Variants in MYO10 observed in about 807,000 individuals in gnomAD.
MYO10 encodes the protein unconventional myosin-X.
MYO10 carries 133 observed loss-of-function variants against 257.3 expected under a neutral mutation model. The observed-to-expected ratio is 0.52, with a 90% CI of 0.45 to 0.60. The LOEUF (loss-of-function observed/expected upper bound fraction) is 0.60. Among genes scored for constraint, MYO10 ranks in the 20% least tolerant of loss-of-function variants. The pLI, the probability that MYO10 is intolerant of heterozygous loss-of-function variation, is 0.00. For synonymous variants in MYO10, 1,104 were observed against 1,028.6 expected (o/e 1.07, Z -1.40); for missense variants, 2,399 against 2,635.7 (o/e 0.91, Z 1.97).
chr5:16,757,787 C>A (rs1038664250), intron 18 of MYO10, among the ~76,000 whole-genome samples: 5 of 152,182 alleles, frequency 3.3e-5, no homozygotes, highest in Non-Finnish European at 7.3e-5. Flanking sequence ...ACCTCAGCCT[C>A]CTGAGTAGCT....
chr5:16,785,130 C>A lies in MYO10; in HGVS notation c.468-1661G>T, dbSNP rs952643108. ...AAATCAGAGGCAAGCCCAGCCGGGGCGGGGGCTGAATCCACATCCCTGAAA... is the reference window on the plus strand; with the variant it reads ...AAATCAGAGGCAAGCCCAGCCGGGGAGGGGGCTGAATCCACATCCCTGAAA... On this transcript the variant is annotated intron_variant, in intron 4 of 40. Coordinates refer to ENST00000513610, the MANE Select transcript of MYO10 (RefSeq NM_012334.3). Among the ~76,000 whole-genome samples the A allele has an allele frequency of 3.3e-5, 5 of 152,284 alleles. No homozygotes were observed. In the South Asian group the frequency reaches 1.0e-3, roughly 32 times the overall value.
At chr5:16,859,391 T>C (rs1301434646) in intron 2 of MYO10, among the ~76,000 whole-genome samples, 1 of 152,098 alleles carries the variant, frequency 6.6e-6, no homozygotes, top group Admixed American at 6.5e-5. Context: ...CCCACCCTCA[T>C]GACCTAATCA....
At chr5:16,796,483 G>GAAAGAAAGAAAGAAAGAAAGAAAGAAAGA (rs1553997268) in intron 3 of MYO10, among the ~76,000 whole-genome samples, 1 of 136,862 alleles carries the variant, frequency 7.3e-6, no homozygotes, top group Admixed American at 7.4e-5. Flanking sequence ...GAAAAGAAAA[G>GAAAGAAAGAAAGAAAGAAAGAAAGAAAGA]AAAGAAAGAA....
intron 19 of MYO10, among the ~76,000 whole-genome samples, chr5:16,732,427 T>C (rs1383088907): frequency 6.6e-6 from 1 of 152,238 alleles, no homozygotes; most frequent in Non-Finnish European, 1.5e-5. Flanking sequence ...AACCTTTTTA[T>C]CTGGCTAAAC....
chr5:16,698,796 T>C lies in MYO10; in HGVS notation c.3556+654A>G, dbSNP rs557211018. On this transcript the variant is annotated intron_variant, in intron 26 of 40. Coordinates refer to ENST00000513610, the MANE Select transcript of MYO10 (RefSeq NM_012334.3). Reference sequence around the variant, plus strand: ...CCGCCACCGCTCCCGGCTAATTTTTTGTATTTTTAGTAGAGACGGCGTTTC... The same window carrying C: ...CCGCCACCGCTCCCGGCTAATTTTTCGTATTTTTAGTAGAGACGGCGTTTC... Among the ~76,000 whole-genome samples, 7 of 150,330 alleles carry C rather than the reference T, an allele frequency of 4.7e-5. No homozygotes were observed. In the South Asian group the frequency reaches 1.3e-3, roughly 27 times the overall value.
At chr5:16,727,978 G>A (rs1739438704) in intron 19 of MYO10, among the ~76,000 whole-genome samples, 1 of 151,994 alleles carries the variant, frequency 6.6e-6, no homozygotes, top group South Asian at 2.1e-4. Flanking sequence ...TATGTCCATG[G>A]GACATTCACT....
At chr5:16,781,571 T>A (rs1241949095) in intron 6 of MYO10, 134 bp downstream of exon 6, 3 of 940,112 alleles carry the variant, frequency 3.2e-6, no homozygotes, top group African/African-American at 1.7e-5. Context: ...ATTAGAGCAA[T>A]AACTAACTGT....
chr5:16,919,040 T>C (rs1171462741), intron 1 of MYO10, among the ~76,000 whole-genome samples: 1 of 152,124 alleles, frequency 6.6e-6, no homozygotes, highest in Non-Finnish European at 1.5e-5. Flanking sequence ...AAATATGCAT[T>C]CCTGAAGATT....
At chr5:16,763,570 C>G (rs1248802689) in intron 13 of MYO10, 23 bp from the exon 14 acceptor site, 1 of 1,598,910 alleles carries the variant, frequency 6.3e-7, no homozygotes, top group Non-Finnish European at 8.6e-7. Context: ...TTTAAACAGC[C>G]AAGTTAAATG....
At chr5:16,809,194 G>GA (rs1450430813) in intron 3 of MYO10, among the ~76,000 whole-genome samples, 56 of 150,244 alleles carry the variant, frequency 3.7e-4, no homozygotes, top group Admixed American at 3.7e-3. Context: ...AAAAAACCCA[G>GA]AAAGTCCTGA....
At chr5:16,711,339 C>G in intron 19 of MYO10, 94 bp from the exon 20 acceptor site, 4 of 1,346,594 alleles carry the variant, frequency 3.0e-6, no homozygotes, top group Non-Finnish European at 3.1e-6. Context: ...ATTGGTTTAC[C>G]CCGCTTCAAA....
At chr5:16,847,724 T>C (rs1054180017) in intron 2 of MYO10, among the ~76,000 whole-genome samples, 1 of 151,910 alleles carries the variant, frequency 6.6e-6, no homozygotes, top group South Asian at 2.1e-4. Context: ...AGTGAGACCC[T>C]GTCTCAAAAA....
intron 19 of MYO10, among the ~76,000 whole-genome samples, chr5:16,721,057 T>C (rs1159982887): frequency 6.6e-6 from 1 of 152,198 alleles, no homozygotes; most frequent in Non-Finnish European, 1.5e-5. Flanking sequence ...CCCATTTAAC[T>C]TTAAAAATAA....
intron 19 of MYO10, among the ~76,000 whole-genome samples, chr5:16,727,325 A>T (rs1435769581): frequency 6.6e-6 from 1 of 152,214 alleles, no homozygotes; most frequent in Non-Finnish European, 1.5e-5. Context: ...TGGAGAGTAA[A>T]ACAACAAGGC....
chr5:16,748,446 C>T (rs976522302), intron 19 of MYO10, among the ~76,000 whole-genome samples: 8 of 151,888 alleles, frequency 5.3e-5, no homozygotes, highest in Non-Finnish European at 7.4e-5. Flanking sequence ...GGTTTCACCA[C>T]GTTGGCCAGG....
At chr5:16,704,077 A>G (rs1241115711) in intron 22 of MYO10, among the ~76,000 whole-genome samples, 5 of 152,016 alleles carry the variant, frequency 3.3e-5, no homozygotes, top group Admixed American at 3.3e-4. Flanking sequence ...CTGTAATCCC[A>G]GCACTTTGTC....
intron 17 of MYO10, 101 bp from the exon 18 acceptor site, chr5:16,758,327 G>T: frequency 1.2e-6 from 1 of 831,116 alleles, no homozygotes. Context: ...ATAATTCAAA[G>T]TAATACACCC....
intron 1 of MYO10, among the ~76,000 whole-genome samples, chr5:16,933,412 C>T (rs31462): frequency 0.4 from 60,119 of 152,102 alleles, 12,155 homozygotes; most frequent in Middle Eastern, 0.5. Context: ...ATTATTTGGC[C>T]ATTCATACAC....
In MYO10 at chr5:16,763,688, T is replaced by A. The variant is rs1393070998; in HGVS notation, c.1394A>T (p.His465Leu). ...TTCTAGTTGTTCTAAAGAAAAAATA[T>A]GCTTGTTGAAGTACTCCTGAAGTTT... The part of the protein sequence containing the change: ...NEKLQEYFNK[H>L]IFSLEQLEYS... The change falls in exon 13 of 41, where the codon CAT becomes CTT. Residue 465 changes from histidine to leucine, a missense_variant. His to Leu is a moderately conservative substitution (Grantham distance 99). Transcript: ENST00000513610. 1.2e-6 allele frequency: 2 copies of A among 1,610,872 alleles called. No homozygotes were observed. The highest frequency in any genetic ancestry group is 1.7e-6 in the Non-Finnish European group (2 of 1,177,246).
Sources: gnomAD v4.1 joint callset for allele counts (sites outside exome capture counted in the v4.1 genomes callset) on GRCh38, gnomAD v4.1.1 for gene constraint, MANE v1.5 for transcripts, NCBI Gene and HGNC (gene_info 2026-07-23, HGNC 2026-07-21) for gene names.